Variants in SUGCT observed in about 807,000 individuals in gnomAD.
SUGCT encodes the protein succinyl-CoA:glutarate CoA-transferase.
A neutral mutation model predicts 55.0 loss-of-function variants in SUGCT; 41 were observed. That is an observed-to-expected ratio of 0.74 (90% CI 0.58 to 0.97). The LOEUF is 0.97. SUGCT is among the 50% of genes least tolerant of loss of function. SUGCT has a pLI of 0.00. For missense variants in SUGCT, 568 were observed against 547.8 expected (o/e 1.04, Z -0.37); for synonymous variants, 187 against 200.4 (o/e 0.93, Z 0.56).
chr7:40,373,269 ATAAT>A (rs1784374528), intron 9 of SUGCT, among the ~76,000 whole-genome samples: 1 of 6,848 alleles, frequency 1.5e-4, no homozygotes, highest in African/African-American at 2.7e-4. Context: ...CTTAGCTATA[ATAAT>A]TAATATATAG....
At chr7:40,879,595 T>G in the SUGCT span, among the ~76,000 whole-genome samples, 1 of 152,234 alleles carries the variant, frequency 6.6e-6, no homozygotes, top group Non-Finnish European at 1.5e-5. Flanking sequence ...AAGAAATGTC[T>G]TCAATGGTTA....
At chr7:41,023,052 G>T in the SUGCT span, among the ~76,000 whole-genome samples, 1 of 152,150 alleles carries the variant, frequency 6.6e-6, no homozygotes, top group Non-Finnish European at 1.5e-5. Flanking sequence ...CGTACAACTT[G>T]TTATATGATG....
chr7:40,843,339 G>A (rs181687899), intron 13 of SUGCT, among the ~76,000 whole-genome samples: 19 of 151,894 alleles, frequency 1.3e-4, no homozygotes, highest in African/African-American at 3.9e-4. Flanking sequence ...GTGAAACCCC[G>A]TCTCTACTAA....
chr7:40,153,818 G>T, intron 1 of SUGCT: 1 of 384,728 alleles, frequency 2.6e-6, no homozygotes, highest in Non-Finnish European at 5.3e-6. Flanking sequence ...TGGGATAAAT[G>T]CAATATGCCA....
At chr7:40,331,998 G>C (rs534444412) in intron 9 of SUGCT, among the ~76,000 whole-genome samples, 2 of 152,308 alleles carry the variant, frequency 1.3e-5, no homozygotes, top group African/African-American at 4.8e-5. Flanking sequence ...CAAACTCTTA[G>C]AAGCAAACTG....
At chr7:41,005,518 A>G in the SUGCT span, among the ~76,000 whole-genome samples, 2 of 152,186 alleles carry the variant, frequency 1.3e-5, no homozygotes, top group Admixed American at 6.5e-5. Flanking sequence ...CAGCTGTTCC[A>G]AAAGCTGGAA....
In SUGCT at chr7:40,276,726, T is replaced by TGAGG. The variant is rs1368986164; in HGVS notation, c.720+2072_720+2075dup. On this transcript the variant is annotated intron_variant, in intron 8 of 13. Transcript: ENST00000335693. ...GAATCACCATAGGGCTGCTTCAAAG[T>TGAGG]GAGGGCACAGTGACGGCAAACTCAT... Among the ~76,000 whole-genome samples the TGAGG allele has an allele frequency of 5.9e-5, 9 of 152,096 alleles. No homozygotes were observed. The South Asian group carries it at 1.9e-3, about 32-fold the overall frequency.
At chr7:40,250,012 C>T (rs1790256941) in intron 7 of SUGCT, among the ~76,000 whole-genome samples, 1 of 152,078 alleles carries the variant, frequency 6.6e-6, no homozygotes, top group Admixed American at 6.5e-5. Context: ...GTCTCGAACT[C>T]CTGACCTCAG....
chr7:40,318,568 C>G (rs1435085083), intron 9 of SUGCT, among the ~76,000 whole-genome samples: 1 of 152,242 alleles, frequency 6.6e-6, no homozygotes, highest in African/African-American at 2.4e-5. Flanking sequence ...TCCTGAGTAG[C>G]TGGGACTACT....
At chr7:40,334,927 G>T (rs1796591826) in intron 9 of SUGCT, among the ~76,000 whole-genome samples, 1 of 152,162 alleles carries the variant, frequency 6.6e-6, no homozygotes, top group Non-Finnish European at 1.5e-5. Flanking sequence ...ATTAATTTTT[G>T]TATAAGGCGT....
intron 1 of SUGCT, among the ~76,000 whole-genome samples, chr7:40,168,497 A>C (rs1784525720): frequency 6.6e-6 from 1 of 152,228 alleles, no homozygotes; most frequent in African/African-American, 2.4e-5. Context: ...AGATAAACTT[A>C]ACAAGGAGGT....
chr7:40,337,915 C>G (rs534148060), intron 9 of SUGCT, among the ~76,000 whole-genome samples: 139 of 152,196 alleles, frequency 9.1e-4, no homozygotes, highest in African/African-American at 3.3e-3. Flanking sequence ...TTTAGTGCTT[C>G]ATTCAGGAGC....
At chr7:40,223,819 G>A (rs934070093) in intron 6 of SUGCT, among the ~76,000 whole-genome samples, 2 of 152,156 alleles carry the variant, frequency 1.3e-5, no homozygotes, top group Non-Finnish European at 2.9e-5. Context: ...TCCTCTTGGC[G>A]ATGAAACAAG....
chr7:40,283,035 A>G (rs1185540153), intron 8 of SUGCT, among the ~76,000 whole-genome samples: 2 of 152,152 alleles, frequency 1.3e-5, no homozygotes, highest in African/African-American at 4.8e-5. Flanking sequence ...TAGACAAACA[A>G]GATTGCATCA....
chr7:40,707,249 TA>T (rs34544373), intron 12 of SUGCT, among the ~76,000 whole-genome samples: 14 of 150,220 alleles, frequency 9.3e-5, no homozygotes, highest in Admixed American at 1.3e-4. Context: ...TTTTTTTTTT[TA>T]AAAAGGCAGA....
At chr7:41,012,651 A>G in the SUGCT span, among the ~76,000 whole-genome samples, 9 of 152,152 alleles carry the variant, frequency 5.9e-5, no homozygotes, top group Non-Finnish European at 1.2e-4. Flanking sequence ...CCTCATTTAT[A>G]TTGTGATTAC....
chr7:40,333,849 C>G (rs113173905), intron 9 of SUGCT, among the ~76,000 whole-genome samples: 1,971 of 150,250 alleles, frequency 0.013, 35 homozygotes, highest in African/African-American at 0.044. Context: ...GTGTGCTGCA[C>G]CCATTAACTC....
chr7:40,886,895 A>G, the SUGCT span, among the ~76,000 whole-genome samples: 1 of 152,220 alleles, frequency 6.6e-6, no homozygotes, highest in Admixed American at 6.5e-5. Flanking sequence ...CTGCCAGGGA[A>G]AATAACCACT....
chr7:40,508,898 T>C (rs977535223), intron 12 of SUGCT, among the ~76,000 whole-genome samples: 2 of 152,144 alleles, frequency 1.3e-5, no homozygotes, highest in South Asian at 2.1e-4. Flanking sequence ...AGTTATTTCC[T>C]ACACCCTCAA....
Sources: gnomAD v4.1 joint callset for allele counts (sites outside exome capture counted in the v4.1 genomes callset) on GRCh38, gnomAD v4.1.1 for gene constraint, MANE v1.5 for transcripts, NCBI Gene and HGNC (gene_info 2026-07-23, HGNC 2026-07-21) for gene names.